PLS3: variants seen among roughly 807,000 people sequenced by gnomAD.
PLS3 encodes plastin 3.
A neutral mutation model predicts 46.5 loss-of-function variants in PLS3; 11 were observed. The ratio of observed to expected loss-of-function variants is 0.24; its 90% CI spans 0.15 to 0.39. The LOEUF is 0.39. PLS3 is among the 10% of genes least tolerant of loss of function. The pLI is 1.00. For missense variants in PLS3, 308 were observed against 461.8 expected, an observed-to-expected ratio of 0.67 and a Z score of 3.05; for synonymous variants, 167 against 162.2, an observed-to-expected ratio of 1.03 and a Z score of -0.22.
chrX:115,589,764 C>T (rs1268893740), intron 1 of PLS3, among the ~76,000 whole-genome samples: 1 of 112,325 alleles, frequency 8.9e-6, no homozygotes, highest in Non-Finnish European at 1.9e-5. Context: ...ACATATTCCA[C>T]TGATACTTAT....
At chrX:115,598,272 G>A (rs2074408554) in intron 1 of PLS3, among the ~76,000 whole-genome samples, 1 of 102,882 alleles carries the variant, frequency 9.7e-6, no homozygotes, top group Admixed American at 1.1e-4. Flanking sequence ...CAGCCTGGGC[G>A]ACACAGCGAG....
intron 7 of PLS3, 26 bp from the exon 8 acceptor site, chrX:115,636,808 CTG>C: frequency 8.6e-7 from 1 of 1,156,163 alleles, no homozygotes; most frequent in Non-Finnish European, 1.2e-6. Context: ...CATATAATAA[CTG>C]TGGGATTTTT....
At chrX:115,570,894 C>CTTT (rs369920378) in intron 1 of PLS3, among the ~76,000 whole-genome samples, 8 of 84,330 alleles carry the variant, frequency 9.5e-5, no homozygotes, top group Non-Finnish European at 1.6e-4. Context: ...TTAATTTATT[C>CTTT]TTTTTTTTTT....
At chrX:115,634,474 T>C (rs1334669784) in intron 6 of PLS3, among the ~76,000 whole-genome samples, 1 of 111,951 alleles carries the variant, frequency 8.9e-6, no homozygotes. Context: ...CCTCTTGGGA[T>C]GTGGACATTG....
chrX:115,607,977 T>C (rs1309963870), intron 1 of PLS3, among the ~76,000 whole-genome samples: 1 of 111,666 alleles, frequency 9.0e-6, no homozygotes, highest in Non-Finnish European at 1.9e-5. Context: ...AAAAGGAGAT[T>C]AGAATATTTA....
At position 115,629,360 on chromosome X, in the gene PLS3, T is replaced by A. The variant is rs782617439; in HGVS notation, c.367+33T>A. 1.1e-5 allele frequency: 12 copies of A among 1,134,121 alleles called. No individual in the cohort carries two copies. In the South Asian group the frequency reaches 2.2e-4, roughly 21 times the overall value. The allele number at this position is 1,134,121 out of a possible 1,213,427, so 93.5% of individuals were successfully genotyped here. On this transcript the variant is annotated intron_variant, in intron 4 of 15. Coordinates refer to ENST00000355899, the MANE Select transcript of PLS3 (RefSeq NM_005032.7). ...TTTTATATGCAATAGGTTAACACAA[T>A]GTGCTAAGTGGGATGGTTGCTGTAA... is the stretch of plus-strand genomic sequence containing the variant.
At chrX:115,583,079 G>A (rs782339681) in intron 1 of PLS3, among the ~76,000 whole-genome samples, 23 of 112,139 alleles carry the variant, frequency 2.1e-4, no homozygotes, top group South Asian at 1.8e-3. Context: ...ATAAAACCTT[G>A]ATGACAACAT....
At chrX:115,642,241 T>C (rs1455368075) in intron 9 of PLS3, among the ~76,000 whole-genome samples, 2 of 110,440 alleles carry the variant, frequency 1.8e-5, no homozygotes, top group East Asian at 5.7e-4. Flanking sequence ...CTTTTTTCTC[T>C]TCGTCTTTGT....
chrX:115,591,148 AC>A (rs2074342956), intron 1 of PLS3, among the ~76,000 whole-genome samples: 1 of 112,643 alleles, frequency 8.9e-6, no homozygotes, highest in African/African-American at 3.2e-5. Context: ...CAAAAAAAAA[AC>A]AAACCAAAAC....
intron 3 of PLS3, among the ~76,000 whole-genome samples, chrX:115,625,181 G>A (rs1362862455): frequency 1.8e-5 from 2 of 111,554 alleles, no homozygotes; most frequent in Admixed American, 1.9e-4. Flanking sequence ...ATTGGCATAA[G>A]GAAATAGATA....
chrX:115,581,833 G>A (rs1166601743), intron 1 of PLS3, among the ~76,000 whole-genome samples: 1 of 111,883 alleles, frequency 8.9e-6, no homozygotes, highest in Non-Finnish European at 1.9e-5. Flanking sequence ...GGGTCCAAAT[G>A]TACTACCCTA....
At chrX:115,619,874 C>T (rs1396485274) in intron 2 of PLS3, among the ~76,000 whole-genome samples, 1 of 111,413 alleles carries the variant, frequency 9.0e-6, no homozygotes, top group African/African-American at 3.3e-5. Flanking sequence ...CAAAGAAATA[C>T]AAAAGTAAAA....
chrX:115,620,729 T>C (rs1461609215), intron 2 of PLS3, among the ~76,000 whole-genome samples: 97 of 95,850 alleles, frequency 1.0e-3, no homozygotes, highest in African/African-American at 3.6e-3. Context: ...TTTTTTTTTT[T>C]TGAGATGGAG....
intron 1 of PLS3, among the ~76,000 whole-genome samples, chrX:115,563,930 T>C (rs1556629826): frequency 8.9e-6 from 1 of 112,157 alleles, no homozygotes; most frequent in Non-Finnish European, 1.9e-5. Context: ...AAAAGGAAGT[T>C]ATTACCACTC....
At chrX:115,612,306 A>G (rs782109020) in intron 2 of PLS3, among the ~76,000 whole-genome samples, 1 of 111,670 alleles carries the variant, frequency 9.0e-6, no homozygotes, top group East Asian at 2.8e-4. Context: ...TTTCAGCATA[A>G]TAAAAGCTTG....
chrX:115,602,800 A>G (rs2074457406), intron 1 of PLS3, among the ~76,000 whole-genome samples: 1 of 110,071 alleles, frequency 9.1e-6, no homozygotes, highest in Non-Finnish European at 1.9e-5. Context: ...TATTTACCAT[A>G]CTAGTGGCTG....
chrX:115,625,404 T>C (rs970571724), intron 3 of PLS3, among the ~76,000 whole-genome samples: 2 of 110,626 alleles, frequency 1.8e-5, no homozygotes, highest in African/African-American at 6.6e-5. Flanking sequence ...TTTAATACCC[T>C]GCTTTTTAAA....
At chrX:115,571,040 G>A (rs935544156) in intron 1 of PLS3, among the ~76,000 whole-genome samples, 1 of 109,177 alleles carries the variant, frequency 9.2e-6, no homozygotes, top group Non-Finnish European at 1.9e-5. Flanking sequence ...GACTACAGGT[G>A]CCCACCACCA....
intron 2 of PLS3, among the ~76,000 whole-genome samples, chrX:115,620,452 A>G (rs923264993): frequency 9.0e-6 from 1 of 110,638 alleles, no homozygotes; most frequent in Admixed American, 9.7e-5. Context: ...TAGTAGCACC[A>G]CCACCATCCC....
Sources: gnomAD v4.1 joint callset for allele counts (sites outside exome capture counted in the v4.1 genomes callset) on GRCh38, gnomAD v4.1.1 for gene constraint, MANE v1.5 for transcripts, NCBI Gene and HGNC (gene_info 2026-07-23, HGNC 2026-07-21) for gene names.